Variants in MAF observed in about 807,000 individuals in gnomAD.
MAF encodes transcription factor Maf.
In MAF, 10 loss-of-function variants were observed where a neutral mutation model predicts 22.0. The observed-to-expected ratio is 0.45, with a 90% CI of 0.28 to 0.77. MAF has a LOEUF of 0.77. MAF is among the 30% of genes least tolerant of loss of function. The pLI, the probability that MAF is intolerant of heterozygous loss-of-function variation, is 0.12. For synonymous variants in MAF, 337 were observed against 255.8 expected (o/e 1.32, Z -3.03); for missense variants, 544 against 548.4 (o/e 0.99, Z 0.08).
At chr16:79,562,691 C>G in the MAF span, among the ~76,000 whole-genome samples, 3,101 of 152,242 alleles carry the variant, frequency 0.02, 21 homozygotes, top group South Asian at 0.027. Context: ...TTCTTAATCC[C>G]CCATGCTTTG....
the MAF span, among the ~76,000 whole-genome samples, chr16:79,405,940 C>G: frequency 6.6e-6 from 1 of 152,208 alleles, no homozygotes; most frequent in African/African-American, 2.4e-5. Flanking sequence ...TCATCAGTAT[C>G]TCACTGCCCA....
the MAF span, among the ~76,000 whole-genome samples, chr16:79,474,831 C>T: frequency 1.5e-4 from 23 of 152,250 alleles, no homozygotes; most frequent in African/African-American, 5.3e-4. Flanking sequence ...CCATTCTGAG[C>T]CATGTCTAGA....
At chr16:79,395,325 G>A in the MAF span, among the ~76,000 whole-genome samples, 2 of 152,224 alleles carry the variant, frequency 1.3e-5, no homozygotes, top group African/African-American at 2.4e-5. Context: ...ATCCCACAGT[G>A]AGGGAGCATA....
At chr16:79,371,660 C>T in the MAF span, among the ~76,000 whole-genome samples, 4 of 152,182 alleles carry the variant, frequency 2.6e-5, no homozygotes, top group Admixed American at 2.0e-4. Flanking sequence ...AAAACCCTTC[C>T]CATGGTTAGT....
chr16:79,430,185 G>A, the MAF span, among the ~76,000 whole-genome samples: 1 of 152,174 alleles, frequency 6.6e-6, no homozygotes, highest in Admixed American at 6.5e-5. Flanking sequence ...TAATTGGAAA[G>A]GAAAGAAAGG....
At chr16:79,237,050 C>A in the MAF span, among the ~76,000 whole-genome samples, 1 of 151,884 alleles carries the variant, frequency 6.6e-6, no homozygotes, top group Non-Finnish European at 1.5e-5. Context: ...CTTGGATTGC[C>A]AGAGTGTGCC....
chr16:79,211,143 C>A, the MAF span, among the ~76,000 whole-genome samples: 1 of 151,976 alleles, frequency 6.6e-6, no homozygotes, highest in Non-Finnish European at 1.5e-5. Context: ...GCAGCAGCCC[C>A]ACTTGGGTTT....
At chr16:79,229,026 A>G in the MAF span, among the ~76,000 whole-genome samples, 1 of 151,854 alleles carries the variant, frequency 6.6e-6, no homozygotes, top group Non-Finnish European at 1.5e-5. Flanking sequence ...CAAAAGATAC[A>G]GCACAGTAGA....
the MAF span, among the ~76,000 whole-genome samples, chr16:79,253,250 C>T: frequency 2.6e-5 from 4 of 152,192 alleles, no homozygotes; most frequent in African/African-American, 9.7e-5. Context: ...ATGGATCAGA[C>T]TCACAAAAGT....
At chr16:79,296,673 G>C in the MAF span, among the ~76,000 whole-genome samples, 1 of 150,994 alleles carries the variant, frequency 6.6e-6, no homozygotes, top group Non-Finnish European at 1.5e-5. Flanking sequence ...GACCACATTA[G>C]AGTCTTGATC....
At chr16:79,511,299 T>C in the MAF span, among the ~76,000 whole-genome samples, 1,612 of 152,230 alleles carry the variant, frequency 0.011, 9 homozygotes, top group Non-Finnish European at 0.016. Flanking sequence ...GTCATTCTCA[T>C]AGCCAAGAGA....
chr16:79,310,359 G>A, the MAF span, among the ~76,000 whole-genome samples: 6 of 151,988 alleles, frequency 3.9e-5, no homozygotes, highest in East Asian at 2.0e-4. Context: ...TGTTTCGGAC[G>A]AGAGAGAGAT....
At chr16:79,458,602 T>C in the MAF span, among the ~76,000 whole-genome samples, 1 of 152,194 alleles carries the variant, frequency 6.6e-6, no homozygotes, top group Admixed American at 6.5e-5. Flanking sequence ...GTCTACTCTT[T>C]GTGCATTTCT....
chr16:79,578,665 T>C, the MAF span, among the ~76,000 whole-genome samples: 19 of 152,182 alleles, frequency 1.2e-4, no homozygotes, highest in Non-Finnish European at 2.5e-4. Context: ...CAAAGCCTTT[T>C]AAAAAGCCAT....
At chr16:79,597,606 A>G in intron 1 of MAF, 3 of 1,022,648 alleles carry the variant, frequency 2.9e-6, no homozygotes, top group Non-Finnish European at 3.5e-6. Context: ...AACTCAAAGC[A>G]GTTTTGGAGC....
the MAF span, among the ~76,000 whole-genome samples, chr16:79,211,270 C>G: frequency 1.3e-5 from 2 of 152,154 alleles, no homozygotes; most frequent in African/African-American, 2.4e-5. Flanking sequence ...TGAATTTGTT[C>G]TTGCACGTTC....
At chr16:79,540,057 G>C in the MAF span, among the ~76,000 whole-genome samples, 1 of 152,122 alleles carries the variant, frequency 6.6e-6, no homozygotes, top group South Asian at 2.1e-4. Flanking sequence ...TTTGTGAGCT[G>C]TCCCTGCTAA....
downstream of MAF, among the ~76,000 whole-genome samples, chr16:79,584,152 T>C (rs1283779385): frequency 3.9e-5 from 6 of 152,140 alleles, no homozygotes; most frequent in Admixed American, 3.9e-4. Flanking sequence ...TAGCTTATGA[T>C]TTAGTTTTTA....
chr16:79,366,542 G>A, the MAF span, among the ~76,000 whole-genome samples: 2 of 152,188 alleles, frequency 1.3e-5, no homozygotes, highest in Non-Finnish European at 2.9e-5. Context: ...TGATGAGATA[G>A]TTCCTTACCA....
Sources: gnomAD v4.1 joint callset for allele counts (sites outside exome capture counted in the v4.1 genomes callset) on GRCh38, gnomAD v4.1.1 for gene constraint, MANE v1.5 for transcripts, NCBI Gene and HGNC (gene_info 2026-07-23, HGNC 2026-07-21) for gene names.